Variants in CSMD1 observed in about 807,000 individuals in gnomAD.
The protein encoded by CSMD1 is CUB and sushi domain-containing protein 1.
Under a neutral mutation model 417.5 loss-of-function variants are expected in CSMD1, and 213 were observed. The ratio of observed to expected loss-of-function variants is 0.51; its 90% CI spans 0.46 to 0.57. The LOEUF (loss-of-function observed/expected upper bound fraction) is 0.57. Among genes scored for constraint, CSMD1 ranks in the 20% least tolerant of loss-of-function variants. CSMD1 has a pLI of 0.00. For synonymous variants in CSMD1, 2,862 were observed against 1,736.8 expected (o/e 1.65, Z -16.11); for missense variants, 6,923 against 4,529.7 (o/e 1.53, Z -15.17).
intron 1 of CSMD1, among the ~76,000 whole-genome samples, chr8:4,893,152 T>C (rs1213860956): frequency 6.6e-6 from 1 of 152,152 alleles, no homozygotes; most frequent in Non-Finnish European, 1.5e-5. Flanking sequence ...ACCTTTTTGT[T>C]GTTTTAATTT....
intron 1 of CSMD1, among the ~76,000 whole-genome samples, chr8:4,774,363 C>T: frequency 6.6e-6 from 1 of 152,098 alleles, no homozygotes; most frequent in Non-Finnish European, 1.5e-5. Flanking sequence ...TGAGTAAGAT[C>T]AGAGAACCAA....
intron 18 of CSMD1, among the ~76,000 whole-genome samples, chr8:3,386,947 A>AT (rs1279851382): frequency 6.6e-6 from 1 of 152,150 alleles, no homozygotes; most frequent in Non-Finnish European, 1.5e-5. Flanking sequence ...CAGGAATGTT[A>AT]TTTGTCTTGA....
chr8:3,499,462 G>T (rs1463525464), intron 10 of CSMD1, among the ~76,000 whole-genome samples: 4 of 152,084 alleles, frequency 2.6e-5, no homozygotes, highest in African/African-American at 9.7e-5. Flanking sequence ...GGGTCCCTGG[G>T]GAGCATGTGT....
intron 23 of CSMD1, among the ~76,000 whole-genome samples, chr8:3,309,388 C>G (rs776424259): frequency 6.9e-6 from 1 of 144,532 alleles, no homozygotes. Context: ...GGTTATGAGG[C>G]TCTTGAGGAA....
chr8:3,510,109 G>GAGACTCCATCTCTAAAAAAAAT (rs1563107081), intron 10 of CSMD1, among the ~76,000 whole-genome samples: 5 of 152,038 alleles, frequency 3.3e-5, no homozygotes, highest in African/African-American at 1.2e-4. Flanking sequence ...ATTCCAGCCT[G>GAGACTCCATCTCTAAAAAAAAT]AACATAAGGA....
intron 1 of CSMD1, among the ~76,000 whole-genome samples, chr8:4,899,439 G>T (rs1056117764): frequency 6.6e-6 from 1 of 152,136 alleles, no homozygotes; most frequent in Admixed American, 6.6e-5. Context: ...AGGTAATTGA[G>T]AATTAAATGT....
At chr8:4,516,173 G>A (rs542818377) in intron 2 of CSMD1, among the ~76,000 whole-genome samples, 1 of 152,136 alleles carries the variant, frequency 6.6e-6, no homozygotes, top group African/African-American at 2.4e-5. Flanking sequence ...TATGACTGGT[G>A]CCTCCTAATA....
chr8:4,808,688 T>A (rs1168069714), intron 1 of CSMD1, among the ~76,000 whole-genome samples: 2 of 152,208 alleles, frequency 1.3e-5, no homozygotes, highest in African/African-American at 4.8e-5. Context: ...CATACTGGTT[T>A]AAAAATCTAC....
Position 4,226,501 on chromosome 8 carries a change from A to G in CSMD1, c.415+193452T>C, listed in dbSNP as rs555196773. On this transcript the variant is annotated intron_variant, in intron 3 of 69. Transcript: ENST00000635120. ...AAATTTTACAGGACTTTGCAGTAAC[A>G]GAACCTATAATGAGTCAAAACAATT... Among the ~76,000 whole-genome samples, 11 of 152,330 alleles carry G rather than the reference A, an allele frequency of 7.2e-5. No homozygotes were observed. In the South Asian group the frequency reaches 2.1e-3, roughly 29 times the overall value.
intron 2 of CSMD1, among the ~76,000 whole-genome samples, chr8:4,600,467 G>A (rs190516459): frequency 1.2e-4 from 18 of 152,258 alleles, no homozygotes; most frequent in African/African-American, 4.3e-4. Flanking sequence ...GCCTTTTCTT[G>A]AAGTCTGTTT....
At chr8:4,029,986 T>C (rs1035840231) in intron 4 of CSMD1, among the ~76,000 whole-genome samples, 5 of 152,184 alleles carry the variant, frequency 3.3e-5, no homozygotes, top group African/African-American at 4.8e-5. Context: ...CCTTTGACTT[T>C]GTGTCTCACA....
intron 7 of CSMD1, among the ~76,000 whole-genome samples, chr8:3,677,825 AT>A (rs1799455175): frequency 6.6e-6 from 1 of 152,192 alleles, no homozygotes; most frequent in Non-Finnish European, 1.5e-5. Context: ...AAAACTGCAT[AT>A]TTCAATAACA....
At chr8:3,635,047 A>G (rs1044663511) in intron 7 of CSMD1, among the ~76,000 whole-genome samples, 1 of 149,758 alleles carries the variant, frequency 6.7e-6, no homozygotes, top group Non-Finnish European at 1.5e-5. Context: ...CTGTTTAATG[A>G]TAAAAAAAAA....
At chr8:4,028,221 T>C (rs1035333593) in intron 4 of CSMD1, among the ~76,000 whole-genome samples, 1 of 152,286 alleles carries the variant, frequency 6.6e-6, no homozygotes, top group South Asian at 2.1e-4. Context: ...AGAGGAATAA[T>C]TCAAATACGA....
At chr8:4,157,149 G>A (rs1322073517) in intron 3 of CSMD1, among the ~76,000 whole-genome samples, 2 of 152,108 alleles carry the variant, frequency 1.3e-5, no homozygotes, top group East Asian at 3.9e-4. Context: ...TTTTTAAGTG[G>A]TAGAAGAAAC....
intron 3 of CSMD1, among the ~76,000 whole-genome samples, chr8:4,318,133 T>A (rs934042142): frequency 6.6e-6 from 1 of 152,270 alleles, no homozygotes; most frequent in Middle Eastern, 3.4e-3. Flanking sequence ...TGCAACTACA[T>A]TGTTATTTAT....
rs567769142 is a variant in CSMD1 at position 3,486,786 on chromosome 8, T to G, written c.1448+6837A>C. On this transcript the variant is annotated intron_variant, in intron 11 of 69. Transcript: ENST00000635120. ...CCCTGACTCTGCTGGCTTTCCCAGA[T>G]AGCTCCACTGCAGCTGCTAGCCCAA... Among the ~76,000 whole-genome samples, 18 of 152,356 alleles carry G rather than the reference T, an allele frequency of 1.2e-4. 1 individual carries two copies. The South Asian group carries it at 3.7e-3, about 32-fold the overall frequency.
At chr8:4,212,100 G>A (rs915936339) in intron 3 of CSMD1, among the ~76,000 whole-genome samples, 1 of 151,588 alleles carries the variant, frequency 6.6e-6, no homozygotes, top group African/African-American at 2.4e-5. Context: ...GAACGTAAAA[G>A]TCATGATTTC....
chr8:3,336,649 C>T (rs961140142), intron 23 of CSMD1, among the ~76,000 whole-genome samples: 1 of 152,174 alleles, frequency 6.6e-6, no homozygotes, highest in East Asian at 1.9e-4. Context: ...TGTACTTCAT[C>T]ACAGAGCCCT....
Sources: allele counts gnomAD v4.1 joint callset (sites outside exome capture counted in the v4.1 genomes callset), GRCh38; gene constraint gnomAD v4.1.1; transcripts MANE v1.5; gene names NCBI Gene and HGNC (gene_info 2026-07-23, HGNC 2026-07-21).